The following PDZD2 variants were observed in gnomAD, a reference collection of about 807,000 sequenced individuals.
The protein encoded by PDZD2 is PDZ domain-containing protein 2.
In PDZD2, 90 loss-of-function variants were observed where a neutral mutation model predicts 220.7. That is an observed-to-expected ratio of 0.41 (90% CI 0.34 to 0.49). The LOEUF (loss-of-function observed/expected upper bound fraction) is 0.49, where lower values mean the gene tolerates loss of function less well. Ranked by LOEUF, PDZD2 falls within the 20% of genes least tolerant of loss-of-function variation. The probability of loss-of-function intolerance (pLI) is 0.28; values close to 1 mark genes in which losing one functional copy is unlikely to be tolerated. For missense variants in PDZD2, 3,174 were observed against 3,608.5 expected, an observed-to-expected ratio of 0.88 and a Z score of 3.08; for synonymous variants, 1,375 against 1,450.5, an observed-to-expected ratio of 0.95 and a Z score of 1.18.
chr5:32,081,666 T>C (rs770192851), intron 19 of PDZD2, among the ~76,000 whole-genome samples: 18 of 152,240 alleles, frequency 1.2e-4, no homozygotes, highest in Non-Finnish European at 2.4e-4. Context: ...CCAGTGTTAT[T>C]ACAAATAGCT....
chr5:32,063,125 A>G (rs993021172), intron 14 of PDZD2, among the ~76,000 whole-genome samples: 8 of 151,388 alleles, frequency 5.3e-5, no homozygotes, highest in African/African-American at 1.9e-4. Context: ...GCTCACTGCA[A>G]CCTCTGCCTC....
At chr5:31,881,358 GTGTGTGTGTGTA>G (rs1181504557) in intron 2 of PDZD2, among the ~76,000 whole-genome samples, 5 of 133,126 alleles carry the variant, frequency 3.8e-5, no homozygotes, top group African/African-American at 1.4e-4. Context: ...GTGTGTGTGT[GTGTGTGTGTGTA>G]TATATTTTTT....
chr5:32,100,303 C>T (rs1744137302), intron 23 of PDZD2: 2 of 174,322 alleles, frequency 1.1e-5, no homozygotes, highest in Admixed American at 5.4e-5. Context: ...TTAATCCATC[C>T]GTGGTCCTTC....
Position 31,809,983 on chromosome 5 carries a change from A to G in PDZD2, c.476+10259A>G, listed in dbSNP as rs191030107. ...GAAGATGGAAAACCCAAATACCTACATAAGACACTCGCTTTTAAACTCTTA... is the reference window on the plus strand; with the variant it reads ...GAAGATGGAAAACCCAAATACCTACGTAAGACACTCGCTTTTAAACTCTTA... On this transcript the variant is annotated intron_variant, in intron 2 of 24. Transcript: ENST00000438447. Among the ~76,000 whole-genome samples, 13 of 152,308 alleles carry G rather than the reference A, an allele frequency of 8.5e-5. No individual in the cohort carries two copies. The South Asian group carries it at 2.1e-3, about 24-fold the overall frequency.
At chr5:31,990,767 A>G (rs1581226848) in intron 3 of PDZD2, among the ~76,000 whole-genome samples, 1 of 152,264 alleles carries the variant, frequency 6.6e-6, no homozygotes, top group Non-Finnish European at 1.5e-5. Flanking sequence ...CATTTATAGC[A>G]TACCACAAAC....
At chr5:32,064,282 C>T (rs1457682461) in intron 14 of PDZD2, among the ~76,000 whole-genome samples, 1 of 151,628 alleles carries the variant, frequency 6.6e-6, no homozygotes, top group Non-Finnish European at 1.5e-5. Context: ...CTCTCAGTTG[C>T]CCAGGCTGGA....
chr5:31,764,416 A>G (rs1449306183), intron 1 of PDZD2, among the ~76,000 whole-genome samples: 2 of 152,206 alleles, frequency 1.3e-5, no homozygotes, highest in Non-Finnish European at 2.9e-5. Flanking sequence ...TCAGATGTCC[A>G]AAAACTCTCC....
intron 1 of PDZD2, among the ~76,000 whole-genome samples, chr5:31,753,592 C>T (rs371670906): frequency 6.9e-6 from 1 of 145,720 alleles, no homozygotes; most frequent in Admixed American, 7.2e-5. Flanking sequence ...CAGAGTGAGA[C>T]TCTGTCTCAA....
intron 16 of PDZD2, 54 bp downstream of exon 16, chr5:32,071,472 C>G (rs1307932332): frequency 1.8e-5 from 26 of 1,411,012 alleles, no homozygotes; most frequent in Admixed American, 1.7e-5. Flanking sequence ...CAAACTAATT[C>G]CTGGAGCCCA....
At chr5:32,091,410 G>A (rs1222440924) in intron 20 of PDZD2, among the ~76,000 whole-genome samples, 1 of 150,574 alleles carries the variant, frequency 6.6e-6, no homozygotes, top group African/African-American at 2.4e-5. Context: ...TCAGCCTCCT[G>A]AGTAGCTGGG....
At position 32,088,313 on chromosome 5, in the gene PDZD2, C is replaced by T. The variant is rs759048383; in HGVS notation, c.4865C>T (p.Ala1622Val). 2.5e-6 allele frequency: 4 copies of T among 1,613,962 alleles called. No individual in the cohort carries two copies. The South Asian group carries it at 4.4e-5, about 18-fold the overall frequency. Residue 1622 changes from alanine (A) to valine (V), a missense_variant, in exon 20 of 25, where the codon GCC becomes GTC. Ala to Val is a moderately conservative substitution (Grantham distance 64). Around this residue, in one of 4 missense-constraint regions of PDZD2, gnomAD observed 1,861 missense variants for 2,001.0 expected, o/e 0.93. Transcript: ENST00000438447. The surrounding 1 kb of genome is among the most constrained non-coding windows in gnomAD (Gnocchi z 4.6). ...CCTGCTCATCTTCCCACCCAGGCTG[C>T]CATCTGTCCTGCCTCAGCCAAAGTT... is the stretch of plus-strand genomic sequence containing the variant. The part of the protein sequence containing the change: ...SSPAHLPTQA[A>V]ICPASAKVLS...
chr5:31,815,396 G>A (rs893715356), intron 2 of PDZD2, among the ~76,000 whole-genome samples: 4 of 152,084 alleles, frequency 2.6e-5, no homozygotes, highest in Admixed American at 2.6e-4. Context: ...TTCCCCACAA[G>A]AGACAGCTTT....
intron 6 of PDZD2, among the ~76,000 whole-genome samples, chr5:32,017,578 G>T (rs1167176742): frequency 2.0e-5 from 3 of 152,176 alleles, no homozygotes; most frequent in Non-Finnish European, 4.4e-5. Context: ...GAATATCAGT[G>T]ATTTAGACAT....
intron 1 of PDZD2, among the ~76,000 whole-genome samples, chr5:31,650,430 G>A (rs1342226822): frequency 1.3e-5 from 2 of 152,148 alleles, no homozygotes; most frequent in African/African-American, 2.4e-5. Flanking sequence ...GGAACTGCCT[G>A]GGATCCCTAA....
intron 7 of PDZD2, among the ~76,000 whole-genome samples, chr5:32,040,309 C>T (rs1236753120): frequency 4.1e-5 from 6 of 145,846 alleles, no homozygotes; most frequent in South Asian, 2.2e-4. Context: ...AAGTGGGGGG[C>T]GCCTCTGCCC....
rs157495 is a variant in PDZD2, at chr5:32,087,147, A to G, written c.3699A>G (p.Ser1233=). The G allele has an allele frequency of 0.26, 412,118 of 1,602,064 alleles. 57,432 individuals are homozygous for G. The highest frequency in any genetic ancestry group is 0.48 in the South Asian group (43,220 of 90,736). ...QQPMTELDSS[S]DLISSPGKKG... is the part of the protein sequence containing the mutation. ...CCCACGTAGAACTGGACAGCTCCTCAGACCTCATCTCTTCCCCAGGGAAGA... is the reference window on the plus strand; with the variant it reads ...CCCACGTAGAACTGGACAGCTCCTCGGACCTCATCTCTTCCCCAGGGAAGA... Residue 1233 remains serine, a synonymous_variant, in exon 20 of 25, where the codon TCA becomes TCG. Transcript: ENST00000438447. This position sits in a 1 kb window ranked among gnomAD's most constrained non-coding sequence, Gnocchi z 4.0.
At chr5:31,881,089 C>T (rs1180750075) in intron 2 of PDZD2, among the ~76,000 whole-genome samples, 1 of 151,892 alleles carries the variant, frequency 6.6e-6, no homozygotes, top group African/African-American at 2.4e-5. Flanking sequence ...CATATGCCAC[C>T]ACGCCTGGCT....
At chr5:32,004,414 C>T (rs567006027) in intron 5 of PDZD2, among the ~76,000 whole-genome samples, 9 of 152,224 alleles carry the variant, frequency 5.9e-5, no homozygotes, top group African/African-American at 2.2e-4. Flanking sequence ...AGTGAGACCT[C>T]TTCTCTACAA....
chr5:31,718,228 T>C (rs751767500), intron 1 of PDZD2, among the ~76,000 whole-genome samples: 2 of 152,192 alleles, frequency 1.3e-5, no homozygotes, highest in Non-Finnish European at 1.5e-5. Flanking sequence ...AGGACAACCC[T>C]GTGTGTTTCC....
Sources: gnomAD v4.1 joint callset for allele counts (sites outside exome capture counted in the v4.1 genomes callset) on GRCh38, gnomAD v4.1.1 for gene constraint, gnomAD v4.1.1 regional missense constraint, Gnocchi (gnomAD v3.1) non-coding constraint, MANE v1.5 for transcripts, NCBI Gene and HGNC (gene_info 2026-07-23, HGNC 2026-07-21) for gene names.